POLDIP3: variants seen among roughly 807,000 people sequenced by gnomAD.
POLDIP3 encodes the protein DNA polymerase delta interacting protein 3.
A neutral mutation model predicts 45.1 loss-of-function variants in POLDIP3; 14 were observed. That is an observed-to-expected ratio of 0.31 (90% CI 0.20 to 0.49). POLDIP3 has a LOEUF of 0.49. POLDIP3 is among the 20% of genes least tolerant of loss of function. The probability of loss-of-function intolerance (pLI) is 0.99; values close to 1 mark genes in which losing one functional copy is unlikely to be tolerated. For synonymous variants in POLDIP3, 223 were observed against 205.2 expected (o/e 1.09, Z -0.74); for missense variants, 511 against 538.8 (o/e 0.95, Z 0.51).
In POLDIP3 at chr22:42,597,677, C is replaced by G. The variant is rs1240454230; in HGVS notation, c.634-1312G>C. The G allele has an allele frequency of 8.5e-6, 4 of 468,940 alleles. No homozygotes were observed. In the Admixed American group the frequency reaches 9.5e-5, roughly 11 times the overall value. 29.0% of individuals were successfully genotyped at this position (468,940 alleles called of 1,614,324 possible). A position where few individuals can be genotyped will look rare whatever the true frequency, so the allele number is the denominator to read the frequency against. On this transcript the variant is annotated intron_variant, in intron 4 of 8. Coordinates refer to ENST00000252115, the MANE Select transcript of POLDIP3 (RefSeq NM_032311.5). Reference sequence around the variant, plus strand: ...CAAATAGGGATAGAGACTCACTGAGCAAGCTGATAGTTCCCTTGATAGCAG... The same window carrying G: ...CAAATAGGGATAGAGACTCACTGAGGAAGCTGATAGTTCCCTTGATAGCAG...
intron 1 of POLDIP3, among the ~76,000 whole-genome samples, chr22:42,609,349 C>A (rs1439691770): frequency 1.3e-5 from 2 of 152,226 alleles, no homozygotes; most frequent in East Asian, 3.8e-4. Flanking sequence ...CAGGGCTTCA[C>A]CAGGTATTCC....
At chr22:42,607,742 C>T (rs1180442624) in intron 1 of POLDIP3, among the ~76,000 whole-genome samples, 4 of 150,708 alleles carry the variant, frequency 2.7e-5, no homozygotes, top group Admixed American at 2.0e-4. Flanking sequence ...ATGTGAGGAG[C>T]GCCTCTGCCC....
intron 6 of POLDIP3, among the ~76,000 whole-genome samples, chr22:42,595,110 C>T (rs1464677150): frequency 6.6e-6 from 1 of 152,212 alleles, no homozygotes; most frequent in Admixed American, 6.5e-5. Context: ...GTTCACTGTG[C>T]CTGGACTGTG....
At chr22:42,594,200 G>A (rs1457376291) in intron 6 of POLDIP3, among the ~76,000 whole-genome samples, 2 of 152,158 alleles carry the variant, frequency 1.3e-5, no homozygotes, top group Non-Finnish European at 2.9e-5. Context: ...GGCGGAAGTT[G>A]CAGTGAGCCA....
At chr22:42,607,392 C>T (rs1926804977) in intron 1 of POLDIP3, among the ~76,000 whole-genome samples, 1 of 152,376 alleles carries the variant, frequency 6.6e-6, no homozygotes, top group Admixed American at 6.5e-5. Context: ...GGATTGCAGA[C>T]GGAGTCTCGC....
At chr22:42,603,697 G>A (rs1926543518) in intron 1 of POLDIP3, 1 of 153,392 alleles carries the variant, frequency 6.5e-6, no homozygotes, top group Non-Finnish European at 1.5e-5. Context: ...CTAAGACCAA[G>A]AGAGCAAACA....
At chr22:42,594,433 C>T (rs1421723422) in intron 6 of POLDIP3, among the ~76,000 whole-genome samples, 5 of 152,120 alleles carry the variant, frequency 3.3e-5, no homozygotes, top group Non-Finnish European at 7.4e-5. Context: ...ATTGCTAGAG[C>T]CTGGGAGGCA....
At chr22:42,587,458 G>A (rs748547262) in intron 8 of POLDIP3, 48 bp downstream of exon 8, 2 of 1,545,260 alleles carry the variant, frequency 1.3e-6, no homozygotes, top group Non-Finnish European at 1.8e-6. Flanking sequence ...AGAACAAAAA[G>A]AGATGGACGG....
At position 42,614,869 on chromosome 22, in the gene POLDIP3, G is replaced by T. The variant is rs769279250; in HGVS notation, c.-12C>A. 6.2e-7 allele frequency: 1 copy of T among 1,613,448 alleles called. No individual in the cohort carries two copies. The highest frequency in any genetic ancestry group is 1.1e-5 in the South Asian group (1 of 91,076). ...GAGATGTCCGCCATCTTGCTCCGCCGAGCAAGCCGAAAGCAGTCGAGACCC... is the reference window on the plus strand; with the variant it reads ...GAGATGTCCGCCATCTTGCTCCGCCTAGCAAGCCGAAAGCAGTCGAGACCC... On this transcript the variant is annotated 5_prime_UTR_variant, in exon 1 of 9. Transcript: ENST00000252115.
chr22:42,586,069 G>C (rs759645628), intron 8 of POLDIP3, 101 bp from the exon 9 acceptor site: 3 of 1,121,472 alleles, frequency 2.7e-6, no homozygotes, highest in Non-Finnish European at 3.7e-6. Flanking sequence ...TAGGCACTGG[G>C]TGTAACACTT....
intron 6 of POLDIP3, among the ~76,000 whole-genome samples, chr22:42,592,870 G>A (rs1333748924): frequency 6.6e-6 from 1 of 152,184 alleles, no homozygotes; most frequent in Non-Finnish European, 1.5e-5. Context: ...TAGCACTCAC[G>A]CCATTTCTTC....
chr22:42,601,852 A>T (rs1000297680), intron 3 of POLDIP3, 118 bp downstream of exon 3: 1 of 1,254,630 alleles, frequency 8.0e-7, no homozygotes, highest in African/African-American at 1.5e-5. Context: ...ACTGGGAACT[A>T]CCAACTGAGC....
At chr22:42,611,546 T>C (rs1203480835) in intron 1 of POLDIP3, among the ~76,000 whole-genome samples, 1 of 152,206 alleles carries the variant, frequency 6.6e-6, no homozygotes, top group Non-Finnish European at 1.5e-5. Flanking sequence ...GGAATATCCA[T>C]GCAACATTAA....
rs374659326 is a variant in POLDIP3, at chr22:42,602,867, C to T, written c.353G>A (p.Arg118Gln). Residue 118 changes from arginine (R) to glutamine (Q), a missense_variant, in exon 2 of 9, where the codon CGG becomes CAG. By Grantham distance (43) the Arg-to-Gln change is conservative (BLOSUM62 1). Transcript: ENST00000252115. ...PQKPRQVADA[R>Q]EKISLKRSSP... Reference sequence around the variant, plus strand: ...ACTCCTCTTCAAGCTGATCTTCTCCCGGGCATCAGCAACCTGGCGGGGCTT... The same window carrying T: ...ACTCCTCTTCAAGCTGATCTTCTCCTGGGCATCAGCAACCTGGCGGGGCTT... 33 of 1,613,500 alleles carry T rather than the reference C, an allele frequency of 2.0e-5. No homozygotes were observed. The highest frequency in any genetic ancestry group is 2.3e-5 in the Non-Finnish European group (27 of 1,180,020).
chr22:42,586,662 T>C (rs1460908123), intron 8 of POLDIP3, among the ~76,000 whole-genome samples: 1 of 152,222 alleles, frequency 6.6e-6, no homozygotes, highest in African/African-American at 2.4e-5. Context: ...TTCTTATTCC[T>C]TGAACACAGT....
At chr22:42,597,235 GT>G (rs947376207) in intron 4 of POLDIP3, among the ~76,000 whole-genome samples, 3 of 152,228 alleles carry the variant, frequency 2.0e-5, no homozygotes, top group Non-Finnish European at 2.9e-5. Flanking sequence ...TAAAGCAGAA[GT>G]GACGGGGGCC....
chr22:42,593,739 G>A (rs930373599), intron 6 of POLDIP3, among the ~76,000 whole-genome samples: 53 of 152,146 alleles, frequency 3.5e-4, no homozygotes, highest in Admixed American at 6.6e-4. Context: ...GGCTGGTCTC[G>A]AACTCCTGAC....
At chr22:42,605,513 T>C (rs1029774364) in intron 1 of POLDIP3, among the ~76,000 whole-genome samples, 5 of 152,242 alleles carry the variant, frequency 3.3e-5, no homozygotes, top group African/African-American at 4.8e-5. Flanking sequence ...CATGCTATCA[T>C]TTTTCTCTTT....
At chr22:42,591,546 A>G (rs774186109) in intron 7 of POLDIP3, among the ~76,000 whole-genome samples, 5 of 152,334 alleles carry the variant, frequency 3.3e-5, no homozygotes, top group South Asian at 4.1e-4. Context: ...TCAAGTCAAT[A>G]AAGTCTGTTG....
Sources: gnomAD v4.1 joint callset for allele counts (sites outside exome capture counted in the v4.1 genomes callset) on GRCh38, gnomAD v4.1.1 for gene constraint, MANE v1.5 for transcripts, NCBI Gene and HGNC (gene_info 2026-07-23, HGNC 2026-07-21) for gene names.